NTRK2: variants seen among roughly 807,000 people sequenced by gnomAD.
NTRK2 encodes neurotrophic receptor tyrosine kinase 2.
NTRK2 carries 13 observed loss-of-function variants against 94.5 expected under a neutral mutation model. That is an observed-to-expected ratio of 0.14 (90% confidence interval 0.09 to 0.22). The LOEUF is 0.22. Among genes scored for constraint, NTRK2 ranks in the 10% least tolerant of loss-of-function variants. The pLI is 1.00. For synonymous variants in NTRK2, 372 were observed against 407.4 expected (o/e 0.91, Z 1.05); for missense variants, 639 against 1,071.2 (o/e 0.60, Z 5.63).
chr9:84,769,916 A>G (rs899694809), intron 12 of NTRK2, among the ~76,000 whole-genome samples: 1 of 152,082 alleles, frequency 6.6e-6, no homozygotes, highest in African/African-American at 2.4e-5. Flanking sequence ...TGATGAGCAA[A>G]CTCCTGTGAG....
At chr9:85,008,094 C>T (rs1037390555) in intron 17 of NTRK2, among the ~76,000 whole-genome samples, 1 of 152,028 alleles carries the variant, frequency 6.6e-6, no homozygotes, top group Non-Finnish European at 1.5e-5. Flanking sequence ...ATGTGATCCT[C>T]TGGACACACT....
intron 15 of NTRK2, among the ~76,000 whole-genome samples, chr9:84,941,905 T>G (rs1286815848): frequency 6.6e-6 from 1 of 152,228 alleles, no homozygotes; most frequent in Non-Finnish European, 1.5e-5. Context: ...GAATCAGAAC[T>G]TAACCTCCTG....
chr9:84,733,598 C>A (rs1294986032), intron 9 of NTRK2, among the ~76,000 whole-genome samples: 1 of 152,156 alleles, frequency 6.6e-6, no homozygotes, highest in African/African-American at 2.4e-5. Flanking sequence ...TAACAAAAGA[C>A]ACCCTAGCCA....
At chr9:84,966,193 A>G (rs1480656871) in intron 17 of NTRK2, among the ~76,000 whole-genome samples, 3 of 152,308 alleles carry the variant, frequency 2.0e-5, no homozygotes, top group Middle Eastern at 3.4e-3. Context: ...TTTTATGCTG[A>G]TGGAGGCATG....
chr9:84,878,612 G>T (rs1209187814), intron 14 of NTRK2, among the ~76,000 whole-genome samples: 6 of 143,674 alleles, frequency 4.2e-5, no homozygotes, highest in African/African-American at 7.7e-5. Flanking sequence ...CCAGCCTGGC[G>T]ACAGAAAGAG....
rs1221783716 is a variant in NTRK2, at chr9:84,742,789, G to GCTT, written c.1195+862_1195+863insCTT. 2.5e-4 allele frequency among the ~76,000 whole-genome samples: 26 copies of GCTT among 103,682 alleles called. 1 individual carries two copies. The highest frequency in any genetic ancestry group is 8.8e-4 in the African/African-American group (22 of 24,868). The allele number at this position is 103,682 out of a possible 152,430, so 68.0% of individuals were successfully genotyped here. ...AAAGAAACCAAAGTCCATTATATTA[G>GCTT]TTTTTTTTTTTTTTTTTTTTTTTTT... On this transcript the variant is annotated intron_variant, in intron 10 of 18. Coordinates refer to ENST00000277120, the MANE Select transcript of NTRK2 (RefSeq NM_006180.6).
chr9:84,951,259 G>A (rs926856204), intron 16 of NTRK2, among the ~76,000 whole-genome samples: 2 of 152,176 alleles, frequency 1.3e-5, no homozygotes, highest in African/African-American at 4.8e-5. Context: ...AGACAATCTT[G>A]ATGCATTATC....
intron 9 of NTRK2, among the ~76,000 whole-genome samples, chr9:84,737,063 A>G (rs1465240687): frequency 6.6e-6 from 1 of 152,130 alleles, no homozygotes; most frequent in African/African-American, 2.4e-5. Flanking sequence ...TCAGGATCAC[A>G]TGATCACATT....
rs71369159 is a variant in NTRK2, at chr9:84,888,982, A to ATTTTTTTTTTTTTTTTTTTTTTTT, written c.1633+21554_1633+21577dup. On this transcript the variant is annotated intron_variant, in intron 14 of 18. Transcript: ENST00000277120. Reference sequence around the variant, plus strand: ...TCCCCATTATTTATTAATGACAGAAATTTTTTTTTTTTTTTTTTTTTTTTT... The same window carrying ATTTTTTTTTTTTTTTTTTTTTTTT: ...TCCCCATTATTTATTAATGACAGAAATTTTTTTTTTTTTTTTTTTTTTTTTTTTTTTTTTTTTTTTTTTTTTTTT... Among the ~76,000 whole-genome samples, 48 of 101,710 alleles carry ATTTTTTTTTTTTTTTTTTTTTTTT rather than the reference A, an allele frequency of 4.7e-4. 11 individuals carry two copies. Among genetic ancestry groups the ATTTTTTTTTTTTTTTTTTTTTTTT allele is most frequent in the East Asian group, 3.7e-3 (13 of 3,492 alleles). 66.7% of individuals were successfully genotyped at this position (101,710 alleles called of 152,430 possible). A position where few individuals can be genotyped will look rare whatever the true frequency, so the allele number is the denominator to read the frequency against.
At chr9:84,702,046 C>G in intron 2 of NTRK2, 113 bp from the exon 3 acceptor site, 1 of 888,140 alleles carries the variant, frequency 1.1e-6, no homozygotes, top group South Asian at 1.4e-5. Context: ...TGGCAAGGCT[C>G]AGAGTGGTGT....
At chr9:84,897,140 AT>A (rs79708333) in intron 14 of NTRK2, among the ~76,000 whole-genome samples, 5 of 150,532 alleles carry the variant, frequency 3.3e-5, no homozygotes, top group Non-Finnish European at 7.4e-5. Context: ...CTGAGCCCCC[AT>A]TTTTTTTTCT....
intron 12 of NTRK2, chr9:84,814,462 T>C: frequency 9.4e-7 from 1 of 1,065,966 alleles, no homozygotes; most frequent in East Asian, 5.0e-5. Context: ...CTCTCTCTAG[T>C]ATTCTAAACT....
chr9:84,996,613 T>G (rs750266763), intron 17 of NTRK2, among the ~76,000 whole-genome samples: 9 of 152,372 alleles, frequency 5.9e-5, no homozygotes, highest in Middle Eastern at 6.8e-3. Context: ...ATACCAGTGA[T>G]GCAGTTGCTG....
intron 15 of NTRK2, among the ~76,000 whole-genome samples, chr9:84,946,743 T>C (rs974748153): frequency 6.6e-6 from 1 of 152,204 alleles, no homozygotes; most frequent in East Asian, 1.9e-4. Flanking sequence ...GTTCTGGTGG[T>C]CAGACACCTG....
intron 12 of NTRK2, among the ~76,000 whole-genome samples, chr9:84,826,642 G>A (rs977503432): frequency 6.6e-6 from 1 of 152,250 alleles, no homozygotes; most frequent in East Asian, 1.9e-4. Flanking sequence ...TGATGTGGAC[G>A]TATCCCCTAA....
At chr9:84,719,276 C>A (rs571404238) in intron 6 of NTRK2, among the ~76,000 whole-genome samples, 1 of 151,960 alleles carries the variant, frequency 6.6e-6, no homozygotes, top group East Asian at 1.9e-4. Flanking sequence ...TAAATGAGGG[C>A]AAAATACTTA....
chr9:84,888,742 C>T (rs1006809435), intron 14 of NTRK2, among the ~76,000 whole-genome samples: 1 of 150,672 alleles, frequency 6.6e-6, no homozygotes, highest in African/African-American at 2.4e-5. Context: ...GCACTGGGCA[C>T]CAATCCTATA....
intron 12 of NTRK2, among the ~76,000 whole-genome samples, chr9:84,821,014 A>G (rs747920760): frequency 6.6e-6 from 1 of 152,198 alleles, no homozygotes; most frequent in African/African-American, 2.4e-5. Context: ...TGAGCTAGCC[A>G]TAAGATCTCT....
intron 12 of NTRK2, among the ~76,000 whole-genome samples, chr9:84,793,621 T>C (rs2068957515): frequency 6.6e-6 from 1 of 152,202 alleles, no homozygotes; most frequent in Non-Finnish European, 1.5e-5. Context: ...AATGGTTGTT[T>C]TCCTGGATTT....
Sources: allele counts gnomAD v4.1 joint callset (sites outside exome capture counted in the v4.1 genomes callset), GRCh38; gene constraint gnomAD v4.1.1; transcripts MANE v1.5; gene names NCBI Gene and HGNC (gene_info 2026-07-23, HGNC 2026-07-21).